Variants in SOS1 observed in about 807,000 individuals in gnomAD.
SOS1 encodes son of sevenless homolog 1.
SOS1 carries 25 observed loss-of-function variants against 157.6 expected under a neutral mutation model. The ratio of observed to expected loss-of-function variants is 0.16; its 90% CI spans 0.12 to 0.22. The LOEUF (loss-of-function observed/expected upper bound fraction) is 0.22, where lower values mean the gene tolerates loss of function less well. Among genes scored for constraint, SOS1 ranks in the 10% least tolerant of loss-of-function variants. The pLI, the probability that SOS1 is intolerant of heterozygous loss-of-function variation, is 1.00. For missense variants in SOS1, 1,237 were observed against 1,599.1 expected (o/e 0.77, Z 3.86); for synonymous variants, 528 against 534.0 (o/e 0.99, Z 0.16).
chr2:39,079,756 G>C (rs1272711952), intron 1 of SOS1, among the ~76,000 whole-genome samples: 4 of 152,130 alleles, frequency 2.6e-5, no homozygotes, highest in Non-Finnish European at 5.9e-5. Context: ...GCCTCCCAAA[G>C]TGCTGGGATT....
At chr2:38,997,103 G>A in intron 18 of SOS1, 65 bp from the exon 19 acceptor site, 2 of 1,070,208 alleles carry the variant, frequency 1.9e-6, no homozygotes, top group South Asian at 2.8e-5. Context: ...GAAATTCATG[G>A]AAAGTTAAGA....
intron 1 of SOS1, among the ~76,000 whole-genome samples, chr2:39,100,513 G>A (rs1672928158): frequency 6.6e-6 from 1 of 152,174 alleles, no homozygotes; most frequent in African/African-American, 2.4e-5. Flanking sequence ...CAACTACACG[G>A]ATAATAAACC....
At chr2:39,010,068 C>A (rs1449967148) in intron 15 of SOS1, among the ~76,000 whole-genome samples, 1 of 152,156 alleles carries the variant, frequency 6.6e-6, no homozygotes, top group Non-Finnish European at 1.5e-5. Context: ...GTAATCCCAG[C>A]ACTTTGGGAG....
At chr2:39,068,389 G>C (rs1413601472) in intron 1 of SOS1, among the ~76,000 whole-genome samples, 1 of 152,176 alleles carries the variant, frequency 6.6e-6, no homozygotes, top group Non-Finnish European at 1.5e-5. Flanking sequence ...GAACCAGTTA[G>C]AACATTTATT....
chr2:39,056,546 T>TA (rs1671220810), intron 4 of SOS1, among the ~76,000 whole-genome samples, 156 bp downstream of exon 4: 2 of 152,240 alleles, frequency 1.3e-5, no homozygotes, highest in Non-Finnish European at 2.9e-5. Flanking sequence ...TCTAATGTCT[T>TA]ATTTCTATAA....
chr2:39,114,025 T>G (rs1558520138), intron 1 of SOS1, among the ~76,000 whole-genome samples: 1 of 152,200 alleles, frequency 6.6e-6, no homozygotes, highest in East Asian at 1.9e-4. Flanking sequence ...CTGCCAAACT[T>G]AACACTTTTC....
intron 20 of SOS1, chr2:38,993,256 C>T (rs1003174906): frequency 2.0e-5 from 3 of 152,380 alleles, no homozygotes; most frequent in African/African-American, 4.8e-5. Flanking sequence ...CACTCCTGAG[C>T]TCAAGCAATC....
chr2:39,095,131 C>A (rs1672725599), intron 1 of SOS1, among the ~76,000 whole-genome samples: 1 of 152,108 alleles, frequency 6.6e-6, no homozygotes, highest in Non-Finnish European at 1.5e-5. Context: ...AGTTACAAAC[C>A]AGCTGTTCAA....
At position 39,094,632 on chromosome 2, in the gene SOS1, G is replaced by A. The variant is rs937980762; in HGVS notation, c.87+25704C>T. ...TGTACCACTGCACTCCAGCCTGGAC[G>A]ACAGAGCAAGACTCGGTCTCAAATA... On this transcript the variant is annotated intron_variant, in intron 1 of 22. Coordinates refer to ENST00000402219, the MANE Select transcript of SOS1 (RefSeq NM_005633.4). 2.7e-5 allele frequency among the ~76,000 whole-genome samples: 4 copies of A among 146,876 alleles called. 1 individual carries two copies. Among genetic ancestry groups the A allele is most frequent in the Non-Finnish European group, 4.5e-5 (3 of 67,150 alleles).
At chr2:39,115,406 C>CTCT (rs1673610651) in intron 1 of SOS1, among the ~76,000 whole-genome samples, 2 of 64,046 alleles carry the variant, frequency 3.1e-5, no homozygotes, top group African/African-American at 1.4e-4. Flanking sequence ...TGTTCTCTCT[C>CTCT]TTTTTTTTTT....
Position 38,995,460 on chromosome 2 carries a change from G to A in SOS1, c.3082-73C>T. ...AAGGAAAGTTTTTCTATATGTGCCT[G>A]GTAAAATTCAGCTAATATACAGGAA... On this transcript the variant is annotated intron_variant, in intron 19 of 22. Transcript: ENST00000402219. The A allele has an allele frequency of 3.3e-6, 4 of 1,203,876 alleles. No individual in the cohort carries two copies. In the Admixed American group the frequency reaches 5.1e-5, roughly 15 times the overall value. 74.6% of individuals were successfully genotyped at this position (1,203,876 alleles called of 1,614,324 possible).
At chr2:39,042,450 C>A (rs1204065092) in intron 6 of SOS1, among the ~76,000 whole-genome samples, 7 of 152,072 alleles carry the variant, frequency 4.6e-5, no homozygotes, top group Non-Finnish European at 8.8e-5. Context: ...GTCACCCGGG[C>A]TGGAGTGCAG....
At chr2:39,023,287 G>T in intron 9 of SOS1, 62 bp from the exon 10 acceptor site, 1 of 1,228,446 alleles carries the variant, frequency 8.1e-7, no homozygotes, top group Non-Finnish European at 1.2e-6. Context: ...GCTCATGTAA[G>T]TAAGGGAAAG....
chr2:39,054,171 C>G (rs7604229), intron 5 of SOS1, among the ~76,000 whole-genome samples: 134,568 of 152,070 alleles, frequency 0.88, 59,667 homozygotes, highest in Non-Finnish European at 0.92. Context: ...TCGTGATCTG[C>G]CCGCCTCGGC....
At chr2:39,087,269 C>T (rs1438589598) in intron 1 of SOS1, among the ~76,000 whole-genome samples, 1 of 152,146 alleles carries the variant, frequency 6.6e-6, no homozygotes, top group Non-Finnish European at 1.5e-5. Flanking sequence ...CATAGTAATA[C>T]TTCATAAGAA....
chr2:39,108,397 A>G (rs192264807), intron 1 of SOS1, among the ~76,000 whole-genome samples: 5 of 152,312 alleles, frequency 3.3e-5, no homozygotes, highest in Admixed American at 2.0e-4. Context: ...ATAAAATGCA[A>G]TAATTTGATT....
At chr2:39,095,393 T>C (rs1223445739) in intron 1 of SOS1, among the ~76,000 whole-genome samples, 1 of 152,152 alleles carries the variant, frequency 6.6e-6, no homozygotes. Context: ...CACACTATGA[T>C]TAAGCTAGGG....
chr2:39,115,406 C>CTTTTTTT (rs550526461), intron 1 of SOS1, among the ~76,000 whole-genome samples: 1 of 64,046 alleles, frequency 1.6e-5, no homozygotes, highest in Non-Finnish European at 2.9e-5. Flanking sequence ...TGTTCTCTCT[C>CTTTTTTT]TTTTTTTTTT....
rs749375187 is a variant in SOS1, at chr2:39,022,641, G to C, written c.1787C>G (p.Ala596Gly). ...TCCTGCTTTGATAATTGGAATTCCA[G>C]CCTTGGGCTGCATGTTCTCTTCAAA... ...IIFEENMQPK[A>G]GIPIIKAGTV... The change falls in exon 10 of 23, where the codon GCT becomes GGT. Residue 596 changes from alanine (A) to glycine (G), a missense_variant. Around this residue, in one of 15 missense-constraint regions of SOS1, gnomAD observed 210 missense variants for 220.2 expected, o/e 0.95. Transcript: ENST00000402219. The C allele has an allele frequency of 1.2e-6, 2 of 1,613,114 alleles. No individual in the cohort carries two copies. The highest frequency in any genetic ancestry group is 1.7e-6 in the Non-Finnish European group (2 of 1,179,284).
Sources: gnomAD v4.1 joint callset for allele counts (sites outside exome capture counted in the v4.1 genomes callset) on GRCh38, gnomAD v4.1.1 for gene constraint, gnomAD v4.1.1 regional missense constraint, MANE v1.5 for transcripts, NCBI Gene and HGNC (gene_info 2026-07-23, HGNC 2026-07-21) for gene names.